Variants in TBC1D5 observed in about 807,000 individuals in gnomAD.
TBC1D5 encodes the protein TBC1 domain family, member 5.
In TBC1D5, 75 loss-of-function variants were observed where a neutral mutation model predicts 100.3. That is an observed-to-expected ratio of 0.75 (90% CI 0.62 to 0.91). The LOEUF is 0.91. TBC1D5 is among the 40% of genes least tolerant of loss of function. The pLI is 0.00. For missense variants in TBC1D5, 910 were observed against 942.4 expected (o/e 0.97, Z 0.45); for synonymous variants, 323 against 325.6 (o/e 0.99, Z 0.09).
chr3:17,675,998 T>C (rs981556612), intron 1 of TBC1D5, among the ~76,000 whole-genome samples: 8 of 152,136 alleles, frequency 5.3e-5, no homozygotes, highest in African/African-American at 1.9e-4. Flanking sequence ...TGTATCTTAA[T>C]TCCTAATTAA....
intron 2 of TBC1D5, among the ~76,000 whole-genome samples, chr3:17,610,782 C>T (rs908851846): frequency 4.6e-5 from 7 of 152,038 alleles, no homozygotes; most frequent in East Asian, 1.9e-4. Context: ...TTTGGGAGGC[C>T]GAGGCAAGTG....
chr3:17,657,377 C>T (rs1156360910), intron 1 of TBC1D5, among the ~76,000 whole-genome samples: 2 of 144,206 alleles, frequency 1.4e-5, no homozygotes, highest in Non-Finnish European at 3.0e-5. Context: ...CACTCTGTCG[C>T]GAGGCTGGAG....
At chr3:17,661,443 G>T (rs943922429) in intron 1 of TBC1D5, among the ~76,000 whole-genome samples, 2 of 151,700 alleles carry the variant, frequency 1.3e-5, no homozygotes, top group South Asian at 4.2e-4. Context: ...AAATGCTGCT[G>T]TATTTGTTCA....
At chr3:17,248,501 G>A (rs1371865930) in intron 16 of TBC1D5, among the ~76,000 whole-genome samples, 1 of 152,134 alleles carries the variant, frequency 6.6e-6, no homozygotes, top group Non-Finnish European at 1.5e-5. Context: ...ATCTATGGCA[G>A]CTATAGCCTT....
chr3:17,203,331 T>C (rs1011591320), intron 18 of TBC1D5, among the ~76,000 whole-genome samples: 2 of 152,224 alleles, frequency 1.3e-5, no homozygotes, highest in Non-Finnish European at 2.9e-5. Context: ...CCCCACTGTA[T>C]CTTGGAAGTA....
intron 13 of TBC1D5, among the ~76,000 whole-genome samples, chr3:17,359,431 G>C (rs145781448): frequency 6.6e-6 from 1 of 151,888 alleles, no homozygotes; most frequent in Non-Finnish European, 1.5e-5. Context: ...AAATTATACC[G>C]GTAAAACTCT....
At chr3:17,489,084 T>C (rs2095606402) in intron 3 of TBC1D5, among the ~76,000 whole-genome samples, 1 of 151,746 alleles carries the variant, frequency 6.6e-6, no homozygotes, top group Non-Finnish European at 1.5e-5. Flanking sequence ...GACTACTGGG[T>C]TAAGCAATCA....
intron 18 of TBC1D5, among the ~76,000 whole-genome samples, chr3:17,194,958 T>C (rs528662748): frequency 6.6e-6 from 1 of 152,320 alleles, no homozygotes; most frequent in South Asian, 2.1e-4. Context: ...ATACTGGAAA[T>C]TGAAATAAAA....
intron 3 of TBC1D5, among the ~76,000 whole-genome samples, chr3:17,480,012 T>G (rs1390242626): frequency 6.6e-6 from 1 of 152,222 alleles, no homozygotes; most frequent in Non-Finnish European, 1.5e-5. Context: ...TGAAAGTGCC[T>G]GATCCTGTGG....
At position 17,330,922 on chromosome 3, in the gene TBC1D5, C is replaced by A. The variant is rs2086787964; in HGVS notation, c.996-22788G>T. Among the ~76,000 whole-genome samples, 4 of 152,128 alleles carry A rather than the reference C, an allele frequency of 2.6e-5. No individual in the cohort carries two copies. In the South Asian group the frequency reaches 6.2e-4, roughly 24 times the overall value. On this transcript the variant is annotated intron_variant, in intron 13 of 21. Transcript: ENST00000253692. ...CCTCAGTCTCAACTGATGTCCTTGT[C>A]CCCATCCAATAATTGTCAGTCCATG...
chr3:17,415,163 T>C (rs1372727431), intron 4 of TBC1D5, among the ~76,000 whole-genome samples: 1 of 152,168 alleles, frequency 6.6e-6, no homozygotes. Flanking sequence ...ATTATTTATT[T>C]ATATATTTTT....
chr3:17,609,034 A>G (rs78674922), intron 2 of TBC1D5, among the ~76,000 whole-genome samples: 6,408 of 152,284 alleles, frequency 0.042, 164 homozygotes, highest in African/African-American at 0.065. Context: ...TCATCTGGAA[A>G]TCTGCAATGT....
chr3:17,278,591 C>T (rs924474707), intron 15 of TBC1D5, among the ~76,000 whole-genome samples: 1 of 152,046 alleles, frequency 6.6e-6, no homozygotes, highest in African/African-American at 2.4e-5. Flanking sequence ...TTTTTGAAAA[C>T]CTCTGTTACA....
chr3:17,461,523 T>G (rs2095209962), intron 3 of TBC1D5, among the ~76,000 whole-genome samples: 1 of 152,188 alleles, frequency 6.6e-6, no homozygotes, highest in Non-Finnish European at 1.5e-5. Context: ...CTTTTACTTC[T>G]TAGAATTTAA....
intron 14 of TBC1D5, among the ~76,000 whole-genome samples, chr3:17,303,642 G>C (rs1575218415): frequency 6.6e-6 from 1 of 152,068 alleles, no homozygotes; most frequent in Non-Finnish European, 1.5e-5. Context: ...AACTTTGTAT[G>C]CATTTAGCTT....
Position 17,263,573 on chromosome 3 carries a change from T to C in TBC1D5, c.1246-4982A>G, listed in dbSNP as rs535113466. Among the ~76,000 whole-genome samples, 10 of 152,280 alleles carry C rather than the reference T, an allele frequency of 6.6e-5. No individual in the cohort carries two copies. In the East Asian group the frequency reaches 7.7e-4, roughly 12 times the overall value. On this transcript the variant is annotated intron_variant, in intron 15 of 21. Transcript: ENST00000253692. Reference sequence around the variant, plus strand: ...ACTCAACTCTTTTCTGTTAATGTTGTTGAAACTCTATTTACAGCTTTTTCT... The same window carrying C: ...ACTCAACTCTTTTCTGTTAATGTTGCTGAAACTCTATTTACAGCTTTTTCT...
At chr3:17,571,452 C>T (rs1008196232) in intron 2 of TBC1D5, among the ~76,000 whole-genome samples, 4 of 151,960 alleles carry the variant, frequency 2.6e-5, no homozygotes, top group South Asian at 4.1e-4. Context: ...CTTAAGTTCT[C>T]GTATTCCTGA....
intron 2 of TBC1D5, among the ~76,000 whole-genome samples, chr3:17,534,056 AAGAGTT>A (rs1257278916): frequency 6.6e-6 from 1 of 152,158 alleles, no homozygotes; most frequent in African/African-American, 2.4e-5. Flanking sequence ...AAGCAGATGG[AAGAGTT>A]AGAGTATTGT....
intron 1 of TBC1D5, among the ~76,000 whole-genome samples, chr3:17,666,927 C>G (rs73030339): frequency 0.028 from 4,218 of 151,840 alleles, 100 homozygotes; most frequent in Non-Finnish European, 0.05. Context: ...GTGGAAGAAC[C>G]CTCTAACAAC....
Sources: gnomAD v4.1 joint callset for allele counts (sites outside exome capture counted in the v4.1 genomes callset) on GRCh38, gnomAD v4.1.1 for gene constraint, MANE v1.5 for transcripts, NCBI Gene and HGNC (gene_info 2026-07-23, HGNC 2026-07-21) for gene names.